PGM5: variants seen among roughly 807,000 people sequenced by gnomAD.
PGM5 encodes phosphoglucomutase-like protein 5.
A neutral mutation model predicts 59.2 loss-of-function variants in PGM5; 23 were observed. The observed-to-expected ratio is 0.39, with a 90% CI of 0.28 to 0.55. The LOEUF is 0.55. PGM5 is among the 20% of genes least tolerant of loss of function. The pLI is 0.66. For synonymous variants in PGM5, 214 were observed against 286.0 expected, an observed-to-expected ratio of 0.75 and a Z score of 2.54; for missense variants, 574 against 748.3, an observed-to-expected ratio of 0.77 and a Z score of 2.72.
chr9:68,477,322 T>C (rs1373258806), intron 7 of PGM5, among the ~76,000 whole-genome samples: 1 of 146,224 alleles, frequency 6.8e-6, no homozygotes, highest in Non-Finnish European at 1.5e-5. Flanking sequence ...TTTGCATGTT[T>C]TCCTTATTGA....
chr9:68,407,984 CT>C (rs1554681293), intron 6 of PGM5, among the ~76,000 whole-genome samples: 1 of 152,078 alleles, frequency 6.6e-6, no homozygotes, highest in African/African-American at 2.4e-5. Context: ...TGTTTTTTTG[CT>C]TTCATAATGA....
Position 68,387,576 on chromosome 9 carries a change from G to T in PGM5, c.685G>T (p.Ala229Ser). The T allele has an allele frequency of 6.2e-7, 1 of 1,611,834 alleles. No individual in the cohort carries two copies. The highest frequency in any genetic ancestry group is 1.1e-5 in the South Asian group (1 of 91,028). The change falls in exon 4 of 11, where the codon GCA becomes TCA. Residue 229 changes from alanine to serine, a missense_variant. Around this residue, in one of 7 missense-constraint regions of PGM5, gnomAD observed 103 missense variants for 112.4 expected, o/e 0.92. Transcript: ENST00000396396. ...GPSQLKIRID[A>S]MHGVMGPYVR... is the part of the protein sequence containing the mutation. ...CAGCCAACTGAAGATTCGCATTGAC[G>T]CAATGCACGGAGGTAAGCTTGTGAT...
At chr9:68,494,907 G>A (rs572321543) in intron 9 of PGM5, among the ~76,000 whole-genome samples, 3 of 152,198 alleles carry the variant, frequency 2.0e-5, no homozygotes, top group Non-Finnish European at 2.9e-5. Context: ...GTGGATCCTT[G>A]CTAAATGCGA....
chr9:68,419,257 T>C (rs1480175537), intron 6 of PGM5, among the ~76,000 whole-genome samples: 2 of 152,212 alleles, frequency 1.3e-5, no homozygotes, highest in Non-Finnish European at 2.9e-5. Context: ...TTTTAACTTT[T>C]TTTTTCCACC....
chr9:68,357,947 AC>A (rs1554675934), intron 1 of PGM5: 2 of 161,424 alleles, frequency 1.2e-5, no homozygotes, highest in African/African-American at 4.9e-5. Flanking sequence ...ACACACACAC[AC>A]ACACACACAC....
intron 10 of PGM5, among the ~76,000 whole-genome samples, chr9:68,514,667 C>T (rs1257762316): frequency 1.3e-5 from 2 of 152,114 alleles, no homozygotes; most frequent in Non-Finnish European, 1.5e-5. Flanking sequence ...GCAAGAAGTC[C>T]TGTGATGGAT....
intron 6 of PGM5, among the ~76,000 whole-genome samples, chr9:68,433,969 T>C (rs909029057): frequency 6.6e-6 from 1 of 152,224 alleles, no homozygotes; most frequent in Non-Finnish European, 1.5e-5. Context: ...TAAAACATCC[T>C]ATTCACCAGT....
chr9:68,380,934 G>A (rs1157359617), intron 2 of PGM5, among the ~76,000 whole-genome samples: 1 of 151,882 alleles, frequency 6.6e-6, no homozygotes, highest in Non-Finnish European at 1.5e-5. Flanking sequence ...AATTGAAGAA[G>A]TGATTAAAAA....
intron 7 of PGM5, among the ~76,000 whole-genome samples, chr9:68,475,019 A>G (rs1397147976): frequency 6.7e-6 from 1 of 149,708 alleles, no homozygotes; most frequent in Non-Finnish European, 1.5e-5. Flanking sequence ...ATTTTTATTT[A>G]TTGTTTTTTT....
intron 6 of PGM5, among the ~76,000 whole-genome samples, chr9:68,410,534 T>G (rs1822909593): frequency 6.6e-6 from 1 of 152,014 alleles, no homozygotes; most frequent in Admixed American, 6.6e-5. Context: ...ATGATATTTT[T>G]GATGATGGTG....
chr9:68,406,694 A>G (rs1324930411), intron 6 of PGM5, among the ~76,000 whole-genome samples: 1,020 of 70,354 alleles, frequency 0.014, 74 homozygotes, highest in Non-Finnish European at 0.024. Context: ...ATATATATAT[A>G]TATATATATA....
At chr9:68,478,607 G>C (rs937766188) in intron 7 of PGM5, among the ~76,000 whole-genome samples, 1 of 152,158 alleles carries the variant, frequency 6.6e-6, no homozygotes, top group Non-Finnish European at 1.5e-5. Context: ...TGTAGAGGAG[G>C]ATTCCCCTTG....
intron 7 of PGM5, among the ~76,000 whole-genome samples, chr9:68,467,203 G>A (rs1823948231): frequency 6.6e-6 from 1 of 152,124 alleles, no homozygotes. Flanking sequence ...TTAAAAATGT[G>A]CCCCTTGTAT....
At chr9:68,514,399 C>T (rs561627106) in intron 10 of PGM5, among the ~76,000 whole-genome samples, 5 of 152,068 alleles carry the variant, frequency 3.3e-5, no homozygotes, top group East Asian at 1.9e-4. Flanking sequence ...GTCAGGAGTT[C>T]GAGACCAGCC....
At chr9:68,497,499 A>G (rs1170811269) in intron 9 of PGM5, 3 of 152,228 alleles carry the variant, frequency 2.0e-5, no homozygotes, top group Non-Finnish European at 4.4e-5. Flanking sequence ...GAAACAAAAA[A>G]GCCTACACAA....
At chr9:68,480,479 C>T (rs1343517346) in intron 8 of PGM5, among the ~76,000 whole-genome samples, 4 of 152,000 alleles carry the variant, frequency 2.6e-5, no homozygotes, top group Admixed American at 6.6e-5. Flanking sequence ...CCGAGGCAGG[C>T]GGATCACCTG....
At chr9:68,431,264 T>C (rs1437627967) in intron 6 of PGM5, among the ~76,000 whole-genome samples, 4 of 152,210 alleles carry the variant, frequency 2.6e-5, no homozygotes, top group African/African-American at 4.8e-5. Context: ...CACTGTCCAC[T>C]TTTCTTTGCC....
At chr9:68,494,650 T>C (rs1824454041) in intron 9 of PGM5, among the ~76,000 whole-genome samples, 1 of 152,202 alleles carries the variant, frequency 6.6e-6, no homozygotes, top group African/African-American at 2.4e-5. Flanking sequence ...ATTAATGAGC[T>C]AATGGTTTGC....
At chr9:68,425,963 C>T (rs1409699210) in intron 6 of PGM5, among the ~76,000 whole-genome samples, 1 of 152,150 alleles carries the variant, frequency 6.6e-6, no homozygotes, top group Non-Finnish European at 1.5e-5. Context: ...TCTGACTTCT[C>T]AGCTAAGATT....
Sources: allele counts gnomAD v4.1 joint callset (sites outside exome capture counted in the v4.1 genomes callset), GRCh38; gene constraint gnomAD v4.1.1; regional missense constraint gnomAD v4.1.1; transcripts MANE v1.5; gene names NCBI Gene and HGNC (gene_info 2026-07-23, HGNC 2026-07-21).